Variants in AFF2 observed in about 807,000 individuals in gnomAD.
AFF2 encodes AF4/FMR2 family member 2.
A neutral mutation model predicts 76.9 loss-of-function variants in AFF2; 14 were observed. The observed-to-expected ratio is 0.18, with a 90% CI of 0.12 to 0.28. The LOEUF (loss-of-function observed/expected upper bound fraction) is 0.28. Ranked by LOEUF, AFF2 falls within the 10% of genes least tolerant of loss-of-function variation. The pLI is 1.00. For missense variants in AFF2, 868 were observed against 1,001.1 expected (o/e 0.87, Z 1.79); for synonymous variants, 398 against 366.7 (o/e 1.09, Z -0.98).
chrX:148,962,828 G>A lies in AFF2; in HGVS notation c.2804G>A (p.Gly935Asp), dbSNP rs782631868. The change falls in exon 13 of 21, where the codon GGT (glycine) becomes GAT (aspartate). Residue 935 changes from glycine (G) to aspartate (D), a missense_variant. Physicochemically the swap from Gly to Asp is moderately conservative, Grantham distance 94. This residue lies in a region of AFF2 where 532 missense variants were observed against 564.2 expected (regional missense o/e 0.94). Coordinates refer to ENST00000370460, the MANE Select transcript of AFF2 (RefSeq NM_002025.4). Reference protein sequence around the residue: ...PRRRNVSGNNGPFGQDKNIAM... With the variant: ...PRRRNVSGNNDPFGQDKNIAM... The stretch of plus-strand genomic sequence containing the variant: ...CGCAGAAATGTCAGTGGCAATAATG[G>A]TCCCTTTGGTCAAGACAAAAACATC... 32 of 1,208,347 alleles carry A rather than the reference G, an allele frequency of 2.6e-5. No homozygotes were observed. In the East Asian group the frequency reaches 8.6e-4, roughly 32 times the overall value.
At chrX:148,566,568 C>T (rs1203136194) in intron 1 of AFF2, among the ~76,000 whole-genome samples, 1 of 110,874 alleles carries the variant, frequency 9.0e-6, no homozygotes, top group Non-Finnish European at 1.9e-5. Flanking sequence ...AACTGAAGAC[C>T]ACCTTCTGGC....
At chrX:148,586,860 TCA>T (rs1411925870) in intron 1 of AFF2, among the ~76,000 whole-genome samples, 2 of 111,081 alleles carry the variant, frequency 1.8e-5, no homozygotes, top group African/African-American at 6.6e-5. Context: ...TTGCCCAAGG[TCA>T]CACACTTAAT....
chrX:148,932,142 A>G (rs782043681), intron 9 of AFF2, among the ~76,000 whole-genome samples: 89 of 112,065 alleles, frequency 7.9e-4, no homozygotes, highest in Non-Finnish European at 1.5e-3. Context: ...AGCTCTAAAA[A>G]GTTTGATGGG....
chrX:148,618,046 G>A (rs1201388547), intron 1 of AFF2, among the ~76,000 whole-genome samples: 1 of 111,268 alleles, frequency 9.0e-6, no homozygotes, highest in Non-Finnish European at 1.9e-5. Context: ...ATATTTATGT[G>A]TGTATATATT....
At chrX:148,856,128 G>C (rs782103264) in intron 7 of AFF2, among the ~76,000 whole-genome samples, 8 of 111,119 alleles carry the variant, frequency 7.2e-5, no homozygotes, top group Non-Finnish European at 1.3e-4. Flanking sequence ...AGTCCCAGAG[G>C]ATAAAAACAA....
At chrX:148,660,478 C>T (rs985357118) in intron 2 of AFF2, among the ~76,000 whole-genome samples, 21 of 112,221 alleles carry the variant, frequency 1.9e-4, no homozygotes, top group Non-Finnish European at 3.9e-4. Flanking sequence ...GGAAAACACA[C>T]AGCCTTAGAC....
In AFF2 at chrX:148,994,876, A is replaced by C. The variant is rs1257780379; in HGVS notation, c.*3544A>C. 1 of 112,398 alleles carries C rather than the reference A, an allele frequency of 8.9e-6. No individual in the cohort carries two copies. Among genetic ancestry groups the C allele is most frequent in the African/African-American group, 3.2e-5 (1 of 30,822 alleles). 9.3% of individuals were successfully genotyped at this position (112,398 alleles called of 1,213,427 possible). A position where few individuals can be genotyped will look rare whatever the true frequency, so the allele number is the denominator to read the frequency against. ...AAGCCTCACATACTTCTCAACAGAC[A>C]TGATAAAATTCACCTGCATGAGTTG... On this transcript the variant is annotated 3_prime_UTR_variant, in exon 21 of 21. Transcript: ENST00000370460.
intron 1 of AFF2, among the ~76,000 whole-genome samples, chrX:148,584,294 A>G (rs1165380711): frequency 9.0e-6 from 1 of 111,243 alleles, no homozygotes; most frequent in Non-Finnish European, 1.9e-5. Flanking sequence ...TCTCTTTACA[A>G]GAAAAAAAAA....
chrX:148,984,870 G>A (rs1210417136), intron 19 of AFF2, among the ~76,000 whole-genome samples: 2 of 111,646 alleles, frequency 1.8e-5, no homozygotes, highest in African/African-American at 6.5e-5. Context: ...AAGGAGAAGG[G>A]ATATGCTCAG....
At chrX:148,756,937 A>G (rs1162218053) in intron 3 of AFF2, among the ~76,000 whole-genome samples, 1 of 112,657 alleles carries the variant, frequency 8.9e-6, no homozygotes, top group Non-Finnish European at 1.9e-5. Flanking sequence ...ATGACAGAGA[A>G]CAACAACATA....
chrX:148,889,538 G>T (rs782426661), intron 8 of AFF2, among the ~76,000 whole-genome samples: 113 of 112,271 alleles, frequency 1.0e-3, no homozygotes, highest in African/African-American at 3.5e-3. Context: ...TCAGAGATAT[G>T]TAATCACACA....
At chrX:148,745,950 C>G (rs1352984393) in intron 3 of AFF2, among the ~76,000 whole-genome samples, 1 of 110,662 alleles carries the variant, frequency 9.0e-6, no homozygotes. Context: ...GCCATGTTGG[C>G]CAGGCTGGTC....
intron 4 of AFF2, 39 bp from the exon 5 acceptor site, chrX:148,837,608 A>G (rs1557273928): frequency 1.1e-6 from 1 of 872,514 alleles, no homozygotes; most frequent in Admixed American, 2.3e-5. Flanking sequence ...TGATTTTTTA[A>G]TTGCCCTGAA....
intron 9 of AFF2, among the ~76,000 whole-genome samples, chrX:148,923,764 G>A (rs1196118540): frequency 8.9e-6 from 1 of 111,962 alleles, no homozygotes; most frequent in Non-Finnish European, 1.9e-5. Context: ...TTTATTCTCT[G>A]TGAGGGAATC....
At chrX:148,532,380 G>A (rs1244969645) in intron 1 of AFF2, among the ~76,000 whole-genome samples, 1 of 111,873 alleles carries the variant, frequency 8.9e-6, no homozygotes, top group Non-Finnish European at 1.9e-5. Context: ...TGTTTACAAA[G>A]CAATTGCTGA....
intron 7 of AFF2, among the ~76,000 whole-genome samples, chrX:148,874,840 A>G (rs2071018220): frequency 1.8e-5 from 2 of 111,712 alleles, no homozygotes; most frequent in African/African-American, 3.3e-5. Flanking sequence ...CTCATGGTAT[A>G]TTGGTGAGCT....
intron 18 of AFF2, among the ~76,000 whole-genome samples, chrX:148,979,207 C>T (rs1465361701): frequency 1.8e-5 from 2 of 111,610 alleles, no homozygotes; most frequent in African/African-American, 3.3e-5. Flanking sequence ...TTGCCAAGTG[C>T]GTGAGACCTC....
chrX:148,752,411 G>A (rs1557266553), intron 3 of AFF2, among the ~76,000 whole-genome samples: 1 of 111,842 alleles, frequency 8.9e-6, no homozygotes, highest in Non-Finnish European at 1.9e-5. Flanking sequence ...AGACAAGGGA[G>A]GAGAAGTGGG....
intron 3 of AFF2, among the ~76,000 whole-genome samples, chrX:148,797,868 G>C (rs1181968022): frequency 8.9e-6 from 1 of 111,823 alleles, no homozygotes; most frequent in Non-Finnish European, 1.9e-5. Context: ...CTGCCAATGT[G>C]CCTCATTTAG....
Sources: allele counts gnomAD v4.1 joint callset (sites outside exome capture counted in the v4.1 genomes callset), GRCh38; gene constraint gnomAD v4.1.1; regional missense constraint gnomAD v4.1.1; transcripts MANE v1.5; gene names NCBI Gene and HGNC (gene_info 2026-07-23, HGNC 2026-07-21).